Variants in STPG2 observed in about 807,000 individuals in gnomAD.
STPG2 encodes the protein sperm-tail PG-rich repeat-containing protein 2.
In STPG2, 56 loss-of-function variants were observed where a neutral mutation model predicts 54.2. That is an observed-to-expected ratio of 1.03 (90% CI 0.83 to 1.29). The LOEUF is 1.29. STPG2 is among the 50% of genes most tolerant of loss of function. The pLI is 0.00. For missense variants in STPG2, 596 were observed against 544.9 expected (o/e 1.09, Z -0.93); for synonymous variants, 200 against 181.8 (o/e 1.10, Z -0.81).
intron 8 of STPG2, among the ~76,000 whole-genome samples, chr4:97,869,977 C>T (rs1729928808): frequency 1.3e-5 from 2 of 151,430 alleles, no homozygotes; most frequent in Non-Finnish European, 3.0e-5. Context: ...TTACATCTTC[C>T]TTCATTTAAA....
At chr4:98,021,149 G>T (rs1251916675) in intron 5 of STPG2, among the ~76,000 whole-genome samples, 2 of 148,068 alleles carry the variant, frequency 1.4e-5, no homozygotes, top group African/African-American at 5.0e-5. Flanking sequence ...TTCTCTTGTG[G>T]GCATTTAGTG....
At chr4:97,791,834 C>T (rs1399553377) in intron 9 of STPG2, among the ~76,000 whole-genome samples, 4 of 151,188 alleles carry the variant, frequency 2.6e-5, no homozygotes, top group African/African-American at 4.9e-5. Context: ...AAAAAAAGTA[C>T]GTTGATGAAA....
intron 5 of STPG2, among the ~76,000 whole-genome samples, chr4:98,085,581 A>G (rs1224148775): frequency 2.0e-5 from 3 of 152,060 alleles, no homozygotes; most frequent in African/African-American, 7.2e-5. Context: ...AATGTTTTAT[A>G]CTTTTTGTGC....
intron 4 of STPG2, among the ~76,000 whole-genome samples, chr4:97,540,394 C>G (rs138707548): frequency 2.6e-5 from 4 of 151,928 alleles, no homozygotes; most frequent in Non-Finnish European, 5.9e-5. Context: ...ATAAATTCCT[C>G]GACACATACA....
intron 4 of STPG2, among the ~76,000 whole-genome samples, chr4:97,550,342 T>C (rs1260839554): frequency 4.0e-5 from 6 of 151,888 alleles, no homozygotes; most frequent in African/African-American, 1.5e-4. Flanking sequence ...AAAGATATAA[T>C]GTACCTAACA....
At position 98,105,811 on chromosome 4, in the gene STPG2, T is replaced by G. The variant is rs1052717270; in HGVS notation, c.612+142A>C. The stretch of plus-strand genomic sequence containing the variant: ...GACAGCAACCACTTGACAGAAATAA[T>G]AAATACTTCCTTCTACAATATTCAT... On this transcript the variant is annotated intron_variant, in intron 5 of 10. Transcript: ENST00000295268. 8 of 692,490 alleles carry G rather than the reference T, an allele frequency of 1.2e-5. No homozygotes were observed. In the African/African-American group the frequency reaches 1.5e-4, roughly 13 times the overall value. 42.9% of individuals were successfully genotyped at this position (692,490 alleles called of 1,614,324 possible). A position where few individuals can be genotyped will look rare whatever the true frequency, so the allele number is the denominator to read the frequency against.
rs564326402 is a variant in STPG2, at chr4:97,821,166, A to G, written c.1204+19607T>C. ...AGGTACAATGGAGGTTCAGGAATTG[A>G]GAAAACATGCCTGTTCCAAAAGAGA... On this transcript the variant is annotated intron_variant, in intron 9 of 10. Coordinates refer to ENST00000295268, the MANE Select transcript of STPG2 (RefSeq NM_174952.3). Among the ~76,000 whole-genome samples, 3 of 152,342 alleles carry G rather than the reference A, an allele frequency of 2.0e-5. No homozygotes were observed. The South Asian group carries it at 6.2e-4, about 32-fold the overall frequency.
chr4:97,980,561 G>A (rs1168088068), intron 6 of STPG2, among the ~76,000 whole-genome samples: 2 of 152,122 alleles, frequency 1.3e-5, no homozygotes, highest in African/African-American at 4.8e-5. Context: ...AGCCATGCTG[G>A]AGCTAAGTAC....
intron 10 of STPG2, among the ~76,000 whole-genome samples, chr4:97,665,463 C>T (rs1722495597): frequency 6.6e-6 from 1 of 152,122 alleles, no homozygotes; most frequent in African/African-American, 2.4e-5. Context: ...TGGGTAGCTC[C>T]CCTCTGCAGC....
chr4:97,885,273 G>T (rs112169729), intron 8 of STPG2, among the ~76,000 whole-genome samples: 42 of 152,278 alleles, frequency 2.8e-4, no homozygotes, highest in African/African-American at 9.1e-4. Context: ...ATTTAAAAGT[G>T]AGAGACTGTT....
intron 8 of STPG2, among the ~76,000 whole-genome samples, chr4:97,852,352 A>G (rs917761883): frequency 6.6e-6 from 1 of 152,192 alleles, no homozygotes; most frequent in Non-Finnish European, 1.5e-5. Flanking sequence ...TAGTGCTACT[A>G]AAATACCACA....
At chr4:98,071,919 C>A (rs535503986) in intron 5 of STPG2, among the ~76,000 whole-genome samples, 1 of 152,144 alleles carries the variant, frequency 6.6e-6, no homozygotes, top group South Asian at 2.1e-4. Context: ...CAGATGCTGG[C>A]AAGGTTGTGG....
chr4:97,795,387 C>G (rs1436166218), intron 9 of STPG2, among the ~76,000 whole-genome samples: 4 of 152,142 alleles, frequency 2.6e-5, no homozygotes, highest in Non-Finnish European at 4.4e-5. Context: ...TGATGTTACC[C>G]TTCTGGTGTC....
chr4:97,896,943 A>G (rs1321252227), intron 8 of STPG2, among the ~76,000 whole-genome samples: 1 of 151,844 alleles, frequency 6.6e-6, no homozygotes, highest in Non-Finnish European at 1.5e-5. Context: ...GTACATGTGC[A>G]GGATTGTTAT....
chr4:97,624,216 C>G (rs951068486), intron 10 of STPG2, among the ~76,000 whole-genome samples: 3 of 152,202 alleles, frequency 2.0e-5, no homozygotes, highest in Non-Finnish European at 4.4e-5. Flanking sequence ...AGTCACCACA[C>G]TGTCTTCTAC....
rs1001410278 is a variant in STPG2 at position 97,960,847 on chromosome 4, C to A, written c.933+11433G>T. Among the ~76,000 whole-genome samples, 2 of 151,850 alleles carry A rather than the reference C, an allele frequency of 1.3e-5. 1 individual carries two copies. The highest frequency in any genetic ancestry group is 4.1e-4 in the South Asian group (2 of 4,820). On this transcript the variant is annotated intron_variant, in intron 7 of 10. Transcript: ENST00000295268. ...ACCCTCACAGAACTAGAAAAAATAT[C>A]CTAAAATTGATATAGAATCAAAGAA...
chr4:98,077,890 T>C (rs569089024), intron 5 of STPG2, among the ~76,000 whole-genome samples: 10 of 152,268 alleles, frequency 6.6e-5, no homozygotes, highest in African/African-American at 2.4e-4. Context: ...AGAAAAAATA[T>C]ATTGTGCAAT....
chr4:98,072,003 T>C (rs184594079), intron 5 of STPG2, among the ~76,000 whole-genome samples: 56 of 152,308 alleles, frequency 3.7e-4, no homozygotes, highest in African/African-American at 1.3e-3. Flanking sequence ...AGAGTGGCAA[T>C]TCCTCAAAGA....
intron 8 of STPG2, among the ~76,000 whole-genome samples, chr4:97,943,322 C>T (rs981312688): frequency 6.6e-6 from 1 of 152,098 alleles, no homozygotes; most frequent in Non-Finnish European, 1.5e-5. Flanking sequence ...CTGGGTCCAA[C>T]TTTTTAACTC....
Sources: allele counts gnomAD v4.1 joint callset (sites outside exome capture counted in the v4.1 genomes callset), GRCh38; gene constraint gnomAD v4.1.1; transcripts MANE v1.5; gene names NCBI Gene and HGNC (gene_info 2026-07-23, HGNC 2026-07-21).